Variants in MAT1A observed in about 807,000 individuals in gnomAD.
MAT1A encodes the protein methionine adenosyltransferase 1A.
MAT1A carries 19 observed loss-of-function variants against 44.0 expected under a neutral mutation model. That is an observed-to-expected ratio of 0.43 (90% CI 0.30 to 0.63). The LOEUF (loss-of-function observed/expected upper bound fraction) is 0.63, where lower values mean the gene tolerates loss of function less well. Among genes scored for constraint, MAT1A ranks in the 30% least tolerant of loss-of-function variants. MAT1A has a pLI of 0.12. For missense variants in MAT1A, 397 were observed against 531.0 expected (o/e 0.75, Z 2.48); for synonymous variants, 205 against 205.6 (o/e 1.00, Z 0.03).
chr10:80,279,241 C>G (rs1312380382), intron 5 of MAT1A, among the ~76,000 whole-genome samples: 2 of 152,190 alleles, frequency 1.3e-5, no homozygotes, highest in South Asian at 4.1e-4. Flanking sequence ...GATGGCAGCC[C>G]TGGGGAAGGC....
At chr10:80,273,919 T>C (rs1012156495) in intron 8 of MAT1A, 36 bp from the exon 9 acceptor site, 20 of 1,422,248 alleles carry the variant, frequency 1.4e-5, no homozygotes, top group South Asian at 2.3e-5. Flanking sequence ...CATTGGAAGA[T>C]GGAACAGGAG....
intron 3 of MAT1A, 30 bp downstream of exon 3, chr10:80,283,884 CAG>C (rs1564647769): frequency 3.1e-6 from 5 of 1,613,094 alleles, no homozygotes. Context: ...CAGAGAGCAA[CAG>C]GGATTTCAGA....
intron 1 of MAT1A, 58 bp downstream of exon 1, chr10:80,289,275 T>TC: frequency 7.5e-7 from 1 of 1,339,764 alleles, no homozygotes; most frequent in Non-Finnish European, 1.1e-6. Flanking sequence ...TGTAAGTGAC[T>TC]CCCTCAGTAT....
chr10:80,280,324 G>A lies in MAT1A; in HGVS notation c.406-8C>T, dbSNP rs201439535. 70 of 1,613,912 alleles carry A rather than the reference G, an allele frequency of 4.3e-5. 2 individuals carry two copies. The South Asian group carries it at 6.3e-4, about 14-fold the overall frequency. ...ATAGCCGAACATCAAACCCTGTGGC[G>A]AGAGAGCAGGCTGAGCGGCGCCCAC... is the stretch of plus-strand genomic sequence containing the variant. On this transcript the variant is annotated splice_polypyrimidine_tract_variant and splice_region_variant and intron_variant, in intron 4 of 8. Transcript: ENST00000372213.
intron 5 of MAT1A, among the ~76,000 whole-genome samples, chr10:80,279,768 G>A (rs200187989): frequency 1.9e-4 from 7 of 37,584 alleles, no homozygotes; most frequent in Non-Finnish European, 1.8e-4. Context: ...CACAGACACA[G>A]CACAGACAGC....
In MAT1A at chr10:80,280,160, T is replaced by C; in HGVS notation, c.549+13A>G. 2 of 1,614,014 alleles carry C rather than the reference T, an allele frequency of 1.2e-6. No individual in the cohort carries two copies. Among genetic ancestry groups the C allele is most frequent in the Middle Eastern group, 1.7e-4 (1 of 6,058 alleles). On this transcript the variant is annotated intron_variant, in intron 5 of 8. Transcript: ENST00000372213. The stretch of plus-strand genomic sequence containing the variant: ...TCTGTCTAGGGCTCTCCTGGGGTAA[T>C]TCAGCTGCTCACCTGAGTCTTAGAG...
intron 3 of MAT1A, among the ~76,000 whole-genome samples, chr10:80,281,698 A>G (rs1841569926): frequency 6.6e-6 from 1 of 152,216 alleles, no homozygotes; most frequent in Admixed American, 6.5e-5. Flanking sequence ...GGGCTTACAG[A>G]GAAAACACAC....
At chr10:80,275,902 T>C (rs1415957141) in intron 6 of MAT1A, among the ~76,000 whole-genome samples, 1 of 152,136 alleles carries the variant, frequency 6.6e-6, no homozygotes, top group Admixed American at 6.5e-5. Flanking sequence ...CTCCTCACAC[T>C]TGCAGTACAA....
intron 2 of MAT1A, 105 bp from the exon 3 acceptor site, chr10:80,284,143 GC>G: frequency 6.9e-7 from 1 of 1,440,552 alleles, no homozygotes; most frequent in Non-Finnish European, 9.5e-7. Flanking sequence ...CACAGGAGGG[GC>G]CTTACGAGGA....
At chr10:80,279,801 ACACAGACACAG>A (rs1050016330) in intron 5 of MAT1A, among the ~76,000 whole-genome samples, 16 of 151,842 alleles carry the variant, frequency 1.1e-4, no homozygotes, top group South Asian at 4.2e-4. Flanking sequence ...CAGACAGACA[ACACAGACACAG>A]CACAGACACA....
chr10:80,274,716 C>T, intron 7 of MAT1A, 63 bp from the exon 8 acceptor site: 1 of 1,608,508 alleles, frequency 6.2e-7, no homozygotes, highest in Non-Finnish European at 8.5e-7. Context: ...CTTTCAGAAG[C>T]TTTGCCCTTC....
Position 80,274,630 on chromosome 10 carries a change from G to C in MAT1A, c.975C>G (p.Ala325=), listed in dbSNP as rs145017867. 2 of 1,614,050 alleles carry C rather than the reference G, an allele frequency of 1.2e-6. No homozygotes were observed. Among genetic ancestry groups the C allele is most frequent in the Non-Finnish European group, 8.5e-7 (1 of 1,180,024 alleles). The change falls in exon 8 of 9, where the codon GCC becomes GCG. Residue 325 remains alanine (A), a synonymous_variant. Transcript: ENST00000372213. The part of the protein sequence containing the change: ...LVQVSYAIGV[A]EPLSISIFTY... Reference sequence around the variant, plus strand: ...TGAAGATGGAAATGGACAGCGGCTCGGCCACACCAATGGCATAGGAAACCT... The same window carrying C: ...TGAAGATGGAAATGGACAGCGGCTCCGCCACACCAATGGCATAGGAAACCT...
Position 80,289,495 on chromosome 10 carries a change from T to TTTCTTC in MAT1A, c.-78_-73dup, listed in dbSNP as rs10694757. 0.52 allele frequency: 445,452 copies of TTTCTTC among 862,654 alleles called. 98,068 individuals are homozygous for TTTCTTC. The highest frequency in any genetic ancestry group is 0.75 in the African/African-American group (43,682 of 58,556). 53.4% of individuals were successfully genotyped at this position (862,654 alleles called of 1,614,324 possible). A position where few individuals can be genotyped will look rare whatever the true frequency, so the allele number is the denominator to read the frequency against. Reference sequence around the variant, plus strand: ...GGCTGTGACTTTGCCTGAGTTTTTTTTTCTTCTTCTTCTTCTTCTTTCAAC... The same window carrying TTTCTTC: ...GGCTGTGACTTTGCCTGAGTTTTTTTTTCTTCTTCTTCTTCTTCTTCTTCTTTCAAC... On this transcript the variant is annotated 5_prime_UTR_variant, in exon 1 of 9. Coordinates refer to ENST00000372213, the MANE Select transcript of MAT1A (RefSeq NM_000429.3).
At position 80,276,167 on chromosome 10, in the gene MAT1A, C is replaced by A. The variant is rs2236568; in HGVS notation, c.768+209G>T. Among the ~76,000 whole-genome samples, 83,506 of 151,978 alleles carry A rather than the reference C, an allele frequency of 0.55. 24,511 individuals carry two copies. The highest frequency in any genetic ancestry group is 0.77 in the African/African-American group (31,873 of 41,456). On this transcript the variant is annotated intron_variant, in intron 6 of 8. Transcript: ENST00000372213. ...GGAGGAATCCTAGGGACATATCCCC[C>A]ATTTCTTGCACACTGTCAGACACAT...
chr10:80,285,362 G>T, intron 2 of MAT1A, 150 bp downstream of exon 2: 1 of 705,764 alleles, frequency 1.4e-6, no homozygotes. Context: ...TTACTACACA[G>T]GGGAGGTCTC....
chr10:80,285,043 A>C (rs1294592192), intron 2 of MAT1A, among the ~76,000 whole-genome samples: 2 of 152,244 alleles, frequency 1.3e-5, no homozygotes, highest in Non-Finnish European at 2.9e-5. Flanking sequence ...AACCTAAATC[A>C]TACCACAAAC....
chr10:80,289,553 A>G lies in MAT1A; in HGVS notation c.-130T>C, dbSNP rs907481208. ...GCTTGTCTTTGGCAGAGCCACGGGG[A>G]TCACTTCTGCCTAACTGCCTGTGAG... is the stretch of plus-strand genomic sequence containing the variant. On this transcript the variant is annotated 5_prime_UTR_variant, in exon 1 of 9. Transcript: ENST00000372213. 46 of 738,506 alleles carry G rather than the reference A, an allele frequency of 6.2e-5. No individual in the cohort carries two copies. The highest frequency in any genetic ancestry group is 1.0e-4 in the Non-Finnish European group (42 of 413,644). The allele number at this position is 738,506 out of a possible 1,614,324, so 45.7% of individuals were successfully genotyped here.
intron 4 of MAT1A, 53 bp from the exon 5 acceptor site, chr10:80,280,369 A>G (rs2132705895): frequency 6.2e-7 from 1 of 1,607,770 alleles, no homozygotes; most frequent in South Asian, 1.1e-5. Flanking sequence ...AGAGGACCGC[A>G]GCTCTCTCCA....
At chr10:80,283,784 C>G in intron 3 of MAT1A, 132 bp downstream of exon 3, 4 of 1,395,930 alleles carry the variant, frequency 2.9e-6, no homozygotes, top group Non-Finnish European at 3.0e-6. Context: ...ACCTGACAGA[C>G]AAGTGTAGGA....
Sources: allele counts gnomAD v4.1 joint callset (sites outside exome capture counted in the v4.1 genomes callset), GRCh38; gene constraint gnomAD v4.1.1; transcripts MANE v1.5; gene names NCBI Gene and HGNC (gene_info 2026-07-23, HGNC 2026-07-21).